The following GDAP2 variants were observed in gnomAD, a reference collection of about 807,000 sequenced individuals.
GDAP2 encodes the protein ganglioside induced differentiation associated protein 2, also known as ganglioside-induced differentiation-associated protein 2.
GDAP2 carries 51 observed loss-of-function variants against 67.0 expected under a neutral mutation model. The observed-to-expected ratio is 0.76, with a 90% CI of 0.61 to 0.96. The LOEUF (loss-of-function observed/expected upper bound fraction) is 0.96. GDAP2 is among the 40% of genes least tolerant of loss of function. GDAP2 has a pLI of 0.00. For missense variants in GDAP2, 547 were observed against 588.3 expected (o/e 0.93, Z 0.73); for synonymous variants, 203 against 207.3 (o/e 0.98, Z 0.18).
chr1:117,881,606 G>A (rs1343654158), intron 12 of GDAP2, among the ~76,000 whole-genome samples: 1 of 152,074 alleles, frequency 6.6e-6, no homozygotes, highest in Non-Finnish European at 1.5e-5. Flanking sequence ...AAACAGGCAG[G>A]GACTGATGGG....
intron 12 of GDAP2, among the ~76,000 whole-genome samples, chr1:117,880,870 A>T (rs1307251525): frequency 6.6e-6 from 1 of 152,200 alleles, no homozygotes; most frequent in Non-Finnish European, 1.5e-5. Context: ...AACTTAAGCT[A>T]ATGTCATTAC....
intron 6 of GDAP2, among the ~76,000 whole-genome samples, chr1:117,905,287 G>C (rs1649617990): frequency 6.6e-6 from 1 of 152,150 alleles, no homozygotes; most frequent in Non-Finnish European, 1.5e-5. Flanking sequence ...TACAGGATGT[G>C]ACACAAGGCC....
chr1:117,926,849 A>G (rs1650461110), intron 1 of GDAP2, among the ~76,000 whole-genome samples: 1 of 152,202 alleles, frequency 6.6e-6, no homozygotes, highest in Non-Finnish European at 1.5e-5. Flanking sequence ...TGCTTAAGTG[A>G]CAAAGGGAGG....
At chr1:117,908,100 C>G (rs1306385025) in intron 5 of GDAP2, among the ~76,000 whole-genome samples, 1 of 151,952 alleles carries the variant, frequency 6.6e-6, no homozygotes, top group African/African-American at 2.4e-5. Context: ...ATCCACCATT[C>G]TCTTCTTTTG....
In GDAP2 at chr1:117,870,396, C is replaced by T; in HGVS notation, c.*173G>A. The T allele has an allele frequency of 1.7e-6, 1 of 594,940 alleles. No individual in the cohort carries two copies. Among genetic ancestry groups the T allele is most frequent in the Admixed American group, 3.5e-5 (1 of 28,678 alleles). 36.9% of individuals were successfully genotyped at this position (594,940 alleles called of 1,614,324 possible). Reference sequence around the variant, plus strand: ...ATGTGTGCAGTTCAGAATGGCCTACCATTTTTAGATTGCTTATGTGCCAGA... The same window carrying T: ...ATGTGTGCAGTTCAGAATGGCCTACTATTTTTAGATTGCTTATGTGCCAGA... On this transcript the variant is annotated 3_prime_UTR_variant, in exon 14 of 14. Transcript: ENST00000369443.
At chr1:117,877,179 G>C (rs982369919) in intron 13 of GDAP2, 17 of 513,092 alleles carry the variant, frequency 3.3e-5, no homozygotes, top group Non-Finnish European at 3.8e-5. Context: ...GCACATAAGG[G>C]GAAAAAAATT....
intron 8 of GDAP2, among the ~76,000 whole-genome samples, chr1:117,888,796 T>C (rs1648959452): frequency 1.3e-5 from 2 of 152,110 alleles, no homozygotes; most frequent in Non-Finnish European, 2.9e-5. Flanking sequence ...TCATTTACCT[T>C]TATGGAATTC....
chr1:117,882,363 T>G (rs1480566253), intron 11 of GDAP2, among the ~76,000 whole-genome samples: 1 of 152,088 alleles, frequency 6.6e-6, no homozygotes, highest in Non-Finnish European at 1.5e-5. Context: ...CTACTTAAAT[T>G]CTCAAAACAA....
chr1:117,926,730 A>G (rs1650458025), intron 1 of GDAP2, among the ~76,000 whole-genome samples: 1 of 152,222 alleles, frequency 6.6e-6, no homozygotes, highest in African/African-American at 2.4e-5. Context: ...TGAGAATCAC[A>G]TGAAAGATAC....
chr1:117,889,505 T>C (rs767835098), intron 8 of GDAP2, among the ~76,000 whole-genome samples: 6 of 152,088 alleles, frequency 3.9e-5, no homozygotes, highest in Non-Finnish European at 5.9e-5. Flanking sequence ...ATAACCACTT[T>C]ATTCTCTGTT....
intron 5 of GDAP2, among the ~76,000 whole-genome samples, chr1:117,906,824 C>G (rs1649675610): frequency 6.6e-6 from 1 of 152,198 alleles, no homozygotes; most frequent in African/African-American, 2.4e-5. Flanking sequence ...GTTATCCTCC[C>G]TGCCCTCTCC....
chr1:117,903,894 C>T (rs1295969959), intron 6 of GDAP2, among the ~76,000 whole-genome samples: 1 of 152,100 alleles, frequency 6.6e-6, no homozygotes, highest in Non-Finnish European at 1.5e-5. Flanking sequence ...ATAAGATTTA[C>T]TGTATAAGGT....
chr1:117,923,035 GA>G (rs1650311748), intron 1 of GDAP2, among the ~76,000 whole-genome samples: 1 of 152,198 alleles, frequency 6.6e-6, no homozygotes, highest in Admixed American at 6.5e-5. Flanking sequence ...AGAATTCAGT[GA>G]TACTTCTCTT....
chr1:117,865,804 A>G lies in GDAP2; in HGVS notation c.*4765T>C, dbSNP rs1648036146. On this transcript the variant is annotated 3_prime_UTR_variant, in exon 14 of 14. Coordinates refer to ENST00000369443, the MANE Select transcript of GDAP2 (RefSeq NM_017686.4). Reference sequence around the variant, plus strand: ...GATGCTGTTCTTAAAAGTGTAAAAAATAACTAATATACAAGAGAGTCACTA... The same window carrying G: ...GATGCTGTTCTTAAAAGTGTAAAAAGTAACTAATATACAAGAGAGTCACTA... 6.6e-6 allele frequency: 1 copy of G among 152,218 alleles called. No individual in the cohort carries two copies. The highest frequency in any genetic ancestry group is 2.1e-4 in the South Asian group (1 of 4,836). The allele number at this position is 152,218 out of a possible 1,614,324, so 9.4% of individuals were successfully genotyped here.
intron 12 of GDAP2, among the ~76,000 whole-genome samples, chr1:117,878,676 G>A (rs1281880941): frequency 6.6e-6 from 1 of 152,172 alleles, no homozygotes; most frequent in East Asian, 1.9e-4. Flanking sequence ...ATCACTTGTA[G>A]ATGTGGTGCC....
At chr1:117,913,293 G>A (rs1368335386) in intron 3 of GDAP2, 2 of 152,160 alleles carry the variant, frequency 1.3e-5, no homozygotes, top group Non-Finnish European at 2.9e-5. Flanking sequence ...TAAAGGCTAT[G>A]CTGTCAAGTG....
At chr1:117,903,763 A>T (rs914761055) in intron 6 of GDAP2, among the ~76,000 whole-genome samples, 2 of 152,148 alleles carry the variant, frequency 1.3e-5, no homozygotes, top group African/African-American at 4.8e-5. Flanking sequence ...AGAGTTGAGA[A>T]TTCGTAATTT....
rs1649894999 is a variant in GDAP2 at position 117,912,580 on chromosome 1, T to C, written c.420A>G (p.Ala140=). The change falls in exon 4 of 14, where the codon GCA becomes GCG. Residue 140 remains alanine (A), a synonymous_variant. Coordinates refer to ENST00000369443, the MANE Select transcript of GDAP2 (RefSeq NM_017686.4). ...GPKYKSRYRT[A]AESSLYSCYR... Reference sequence around the variant, plus strand: ...AGCAGCTATAAAGGGAACTCTCAGCTGCTGTGCGATAGCGGCTTTTATATT... The same window carrying C: ...AGCAGCTATAAAGGGAACTCTCAGCCGCTGTGCGATAGCGGCTTTTATATT... 1 of 1,613,402 alleles carries C rather than the reference T, an allele frequency of 6.2e-7. No homozygotes were observed. Among genetic ancestry groups the C allele is most frequent in the East Asian group, 2.2e-5 (1 of 44,896 alleles).
Position 117,899,206 on chromosome 1 carries a change from T to C in GDAP2, c.647A>G (p.Gln216Arg). The C allele has an allele frequency of 5.0e-6, 8 of 1,610,396 alleles. No individual in the cohort carries two copies. The highest frequency in any genetic ancestry group is 6.8e-6 in the Non-Finnish European group (8 of 1,176,622). ...AVSDLEEGTY[Q>R]KLLPLYFPRS... The stretch of plus-strand genomic sequence containing the variant: ...TGGGAAGTAGAGAGGTAGCAGCTTT[T>C]GGTAAGTACCCTGTGTCAGAAAAGC... Residue 216 changes from glutamine to arginine, a missense_variant, in exon 7 of 14, where the codon CAA becomes CGA. Gln to Arg is a conservative substitution (Grantham distance 43, BLOSUM62 1). Transcript: ENST00000369443.
Sources: gnomAD v4.1 joint callset for allele counts (sites outside exome capture counted in the v4.1 genomes callset) on GRCh38, gnomAD v4.1.1 for gene constraint, MANE v1.5 for transcripts, NCBI Gene and HGNC (gene_info 2026-07-23, HGNC 2026-07-21) for gene names.